The following SRSF1 variants were observed in gnomAD, a reference collection of about 807,000 sequenced individuals.
The protein encoded by SRSF1 is serine/arginine-rich splicing factor 1.
In SRSF1, 1 loss-of-function variant was observed where a neutral mutation model predicts 25.9. The ratio of observed to expected loss-of-function variants is 0.04; its 90% CI spans 0.01 to 0.18. The LOEUF is 0.18. Ranked by LOEUF, SRSF1 falls within the 10% of genes least tolerant of loss-of-function variation. The pLI is 1.00. For missense variants in SRSF1, 65 were observed against 350.5 expected, an observed-to-expected ratio of 0.19 and a Z score of 6.50; for synonymous variants, 132 against 126.2, an observed-to-expected ratio of 1.05 and a Z score of -0.31.
chr17:58,005,696 G>A lies in SRSF1; in HGVS notation c.553-96C>T. The A allele has an allele frequency of 1.2e-6, 2 of 1,607,534 alleles. No individual in the cohort carries two copies. Among genetic ancestry groups the A allele is most frequent in the South Asian group, 2.2e-5 (2 of 90,532 alleles). The stretch of plus-strand genomic sequence containing the variant: ...ACAATGTAACTAAAACCAGAAATCT[G>A]GCAATTTACTTGGACAACCTTGCCT... On this transcript the variant is annotated intron_variant, in intron 3 of 3. Transcript: ENST00000258962. This position sits in a 1 kb window ranked among gnomAD's most constrained non-coding sequence, Gnocchi z 5.2.
Position 58,001,655 on chromosome 17 carries a change from A to T in SRSF1, c.*3751T>A, listed in dbSNP as rs1178291121. Among the ~76,000 whole-genome samples the T allele has an allele frequency of 1.3e-5, 2 of 152,194 alleles. No individual in the cohort carries two copies. The highest frequency in any genetic ancestry group is 2.9e-5 in the Non-Finnish European group (2 of 68,024). ...GACATAAATAGGGAGAAGAGGGGGA[A>T]ATTCCAAGACAGCTTTTGTAGTTTC... On this transcript the variant is annotated 3_prime_UTR_variant, in exon 4 of 4. Transcript: ENST00000258962.
chr17:57,998,489 A>G (rs7225290), downstream of SRSF1, among the ~76,000 whole-genome samples: 13,276 of 152,250 alleles, frequency 0.087, 630 homozygotes, highest in Middle Eastern at 0.13. Flanking sequence ...TACAATCTCC[A>G]GGTTTAGCAC....
downstream of SRSF1, among the ~76,000 whole-genome samples, chr17:57,999,013 G>A (rs1241799187): frequency 6.6e-6 from 1 of 152,100 alleles, no homozygotes; most frequent in South Asian, 2.1e-4. Flanking sequence ...AGCGGTGATG[G>A]GAATGACAGA....
downstream of SRSF1, among the ~76,000 whole-genome samples, chr17:57,997,579 T>C (rs528201372): frequency 1.3e-5 from 2 of 152,294 alleles, no homozygotes; most frequent in East Asian, 1.9e-4. Context: ...ATATAACCCA[T>C]TGTTAACTCA....
At chr17:58,006,863 GT>G (rs202109849) in intron 1 of SRSF1, 80 bp downstream of exon 1, 19,511 of 1,509,602 alleles carry the variant, frequency 0.013, 165 homozygotes, top group Middle Eastern at 0.036. Context: ...CCGCTTCCCC[GT>G]TCTCTATGTT....
rs1202163620 is a variant in SRSF1, at chr17:58,004,908, C to T, written c.*498G>A. On this transcript the variant is annotated 3_prime_UTR_variant, in exon 4 of 4. Coordinates refer to ENST00000258962, the MANE Select transcript of SRSF1 (RefSeq NM_006924.5). ...CTGCCAATTTCATCTGTGACAATAG[C>T]ACTTGGAGTCATACCATTGCCTCCA... 1 of 401,126 alleles carries T rather than the reference C, an allele frequency of 2.5e-6. No homozygotes were observed. Among genetic ancestry groups the T allele is most frequent in the African/African-American group, 2.1e-5 (1 of 48,624 alleles). 24.8% of individuals were successfully genotyped at this position (401,126 alleles called of 1,614,324 possible).
downstream of SRSF1, among the ~76,000 whole-genome samples, chr17:57,996,906 G>A (rs1273089061): frequency 6.6e-6 from 1 of 152,086 alleles, no homozygotes; most frequent in East Asian, 1.9e-4. Context: ...ACAATACATC[G>A]TTATGTATTA....
At position 58,002,989 on chromosome 17, in the gene SRSF1, A is replaced by G. The variant is rs1196244678; in HGVS notation, c.*2417T>C. ...ATCACACCACTGCCCTCCAGTCTGG[A>G]GAACAGAGCGAGACTCTGTCTCAAA... On this transcript the variant is annotated 3_prime_UTR_variant, in exon 4 of 4. Coordinates refer to ENST00000258962, the MANE Select transcript of SRSF1 (RefSeq NM_006924.5). 1.3e-5 allele frequency among the ~76,000 whole-genome samples: 2 copies of G among 152,204 alleles called. No individual in the cohort carries two copies. The highest frequency in any genetic ancestry group is 2.9e-5 in the Non-Finnish European group (2 of 68,040).
chr17:57,993,020 G>A, the SRSF1 span: 2 of 152,194 alleles, frequency 1.3e-5, no homozygotes, highest in East Asian at 1.9e-4. Context: ...GCAACACAAG[G>A]CCTAGATAAG....
the SRSF1 span, among the ~76,000 whole-genome samples, chr17:57,995,820 A>G: frequency 6.6e-6 from 1 of 152,182 alleles, no homozygotes; most frequent in Non-Finnish European, 1.5e-5. Flanking sequence ...GCAAAATGAA[A>G]CTAAATACTA....
intron 1 of SRSF1, 138 bp downstream of exon 1, chr17:58,006,806 A>G: frequency 9.1e-7 from 1 of 1,098,502 alleles, no homozygotes; most frequent in Non-Finnish European, 1.3e-6. Context: ...TCCTTACTCG[A>G]CTCCTGCATG....
At chr17:58,006,220 C>T in intron 2 of SRSF1, 123 bp downstream of exon 2, 3 of 1,292,698 alleles carry the variant, frequency 2.3e-6, no homozygotes, top group Admixed American at 2.5e-5. Flanking sequence ...TAAATTCACC[C>T]AAAAACTAAA....
chr17:57,990,504 A>G, the SRSF1 span: 2 of 152,206 alleles, frequency 1.3e-5, no homozygotes, highest in Non-Finnish European at 2.9e-5. Context: ...ATCGGTTCCA[A>G]CTGTTAGAGG....
chr17:57,992,339 T>TCTGCTAG, the SRSF1 span: 7 of 152,308 alleles, frequency 4.6e-5, no homozygotes, highest in Admixed American at 2.0e-4. Flanking sequence ...TGTTCCTTAC[T>TCTGCTAG]GCCCTCAGAT....
At chr17:58,000,469 A>T (rs2075382242), downstream of SRSF1, among the ~76,000 whole-genome samples, 1 of 152,192 alleles carries the variant, frequency 6.6e-6, no homozygotes, top group African/African-American at 2.4e-5. Context: ...CTGATACAGA[A>T]ACAATAACTC....
In SRSF1 at chr17:58,004,208, T is replaced by G. The variant is rs1460923573; in HGVS notation, c.*1198A>C. The G allele has an allele frequency of 3.9e-5, 6 of 152,624 alleles. No homozygotes were observed. The highest frequency in any genetic ancestry group is 3.9e-4 in the Admixed American group (6 of 15,282). The allele number at this position is 152,624 out of a possible 1,614,324, so 9.5% of individuals were successfully genotyped here. ...CATAGAGACTAATTGGAAGAAGCAT[T>G]TTGTATTTACAGTTCAACTGATAAT... On this transcript the variant is annotated 3_prime_UTR_variant, in exon 4 of 4. Transcript: ENST00000258962.
chr17:57,996,483 T>TTAA (rs538866531), downstream of SRSF1, among the ~76,000 whole-genome samples: 1 of 72,386 alleles, frequency 1.4e-5, no homozygotes, highest in Non-Finnish European at 2.4e-5. Flanking sequence ...GACACTGTCT[T>TTAA]AAAAAAAAAA....
chr17:58,006,135 A>G (rs1347139060), intron 2 of SRSF1, 162 bp from the exon 3 acceptor site: 1 of 966,258 alleles, frequency 1.0e-6, no homozygotes, highest in East Asian at 2.6e-5. Context: ...AGAGTCCAAA[A>G]TTATTTGTAA....
At chr17:57,991,418 A>C in the SRSF1 span, 9 of 152,308 alleles carry the variant, frequency 5.9e-5, no homozygotes, top group African/African-American at 2.2e-4. Context: ...AACAAATCCA[A>C]AACTTTCAGT....
Sources: gnomAD v4.1 joint callset for allele counts (sites outside exome capture counted in the v4.1 genomes callset) on GRCh38, gnomAD v4.1.1 for gene constraint, Gnocchi (gnomAD v3.1) non-coding constraint, MANE v1.5 for transcripts, NCBI Gene and HGNC (gene_info 2026-07-23, HGNC 2026-07-21) for gene names.